The following KIF1B variants were observed in gnomAD, a reference collection of about 807,000 sequenced individuals.
The protein encoded by KIF1B is kinesin-like protein KIF1B.
In KIF1B, 76 loss-of-function variants were observed where a neutral mutation model predicts 241.9. The ratio of observed to expected loss-of-function variants is 0.31; its 90% confidence interval spans 0.26 to 0.38. The LOEUF (loss-of-function observed/expected upper bound fraction) is 0.38. Among genes scored for constraint, KIF1B ranks in the 10% least tolerant of loss-of-function variants. The pLI, the probability that KIF1B is intolerant of heterozygous loss-of-function variation, is 1.00. For missense variants in KIF1B, 1,622 were observed against 2,271.4 expected (o/e 0.71, Z 5.81); for synonymous variants, 750 against 796.7 (o/e 0.94, Z 0.99).
At chr1:10,358,037 T>A (rs79957143) in intron 38 of KIF1B, among the ~76,000 whole-genome samples, 3,491 of 150,756 alleles carry the variant, frequency 0.023, 50 homozygotes, top group East Asian at 0.048. Context: ...AAATATATAT[T>A]TTTTTAAATT....
chr1:10,307,844 G>C (rs375721546), intron 22 of KIF1B: 1 of 1,043,882 alleles, frequency 9.6e-7, no homozygotes. Context: ...ATTCCTTGGA[G>C]AGTTAAAGAC....
At chr1:10,340,031 C>G (rs972834268) in intron 32 of KIF1B, among the ~76,000 whole-genome samples, 172 bp downstream of exon 32, 2 of 152,096 alleles carry the variant, frequency 1.3e-5, no homozygotes, top group African/African-American at 4.8e-5. Context: ...GAGCAGCAAG[C>G]CTTCTTGTCT....
chr1:10,349,882 C>T lies in KIF1B; in HGVS notation c.3949+1149C>T, dbSNP rs576457854. On this transcript the variant is annotated intron_variant, in intron 37 of 48. Transcript: ENST00000676179. ...AAGTATTTAGGATTACAAAGGAAAC[C>T]GATAATATTGAAATACAGTTGTTAA... Among the ~76,000 whole-genome samples, 6 of 152,074 alleles carry T rather than the reference C, an allele frequency of 3.9e-5. No homozygotes were observed. The East Asian group carries it at 5.8e-4, about 15-fold the overall frequency.
intron 22 of KIF1B, among the ~76,000 whole-genome samples, chr1:10,298,283 A>C (rs1037994986): frequency 6.6e-6 from 1 of 152,222 alleles, no homozygotes; most frequent in African/African-American, 2.4e-5. Context: ...CATGTAAACT[A>C]CAGCCTTCTA....
rs555945555 is a variant in KIF1B, at chr1:10,230,014, TA to T, written c.-79-2232del. On this transcript the variant is annotated intron_variant, in intron 1 of 48. Coordinates refer to ENST00000676179, the MANE Select transcript of KIF1B (RefSeq NM_001365951.3). Reference sequence around the variant, plus strand: ...CATAACAAGACTTTGTCTCTACAAATAAAATAAAATATTAGTTGGGTGTGTT... The same window carrying T: ...CATAACAAGACTTTGTCTCTACAAATAAATAAAATATTAGTTGGGTGTGTT... 2.0e-4 allele frequency among the ~76,000 whole-genome samples: 30 copies of T among 150,844 alleles called. No individual in the cohort carries two copies. In the East Asian group the frequency reaches 5.7e-3, roughly 29 times the overall value.
At chr1:10,238,576 G>A (rs779371373) in intron 2 of KIF1B, among the ~76,000 whole-genome samples, 3 of 151,626 alleles carry the variant, frequency 2.0e-5, no homozygotes, top group South Asian at 2.1e-4. Flanking sequence ...ATGGTGGTGC[G>A]CGCCTGTGGT....
At chr1:10,336,856 A>G in intron 29 of KIF1B, 114 bp downstream of exon 29, 1 of 1,107,708 alleles carries the variant, frequency 9.0e-7, no homozygotes, top group Non-Finnish European at 1.4e-6. Flanking sequence ...GCCACAGAGT[A>G]GTTCAATAGA....
chr1:10,276,183 C>CA (rs1019429503), intron 11 of KIF1B, 138 bp from the exon 12 acceptor site: 4,506 of 617,042 alleles, frequency 7.3e-3, no homozygotes, highest in Non-Finnish European at 8.3e-3. Context: ...GACTCCCTCT[C>CA]AAAAAAAAAA....
intron 20 of KIF1B, 94 bp from the exon 21 acceptor site, chr1:10,296,803 C>A: frequency 7.3e-7 from 1 of 1,374,628 alleles, no homozygotes; most frequent in Non-Finnish European, 1.0e-6. Flanking sequence ...GCTCTGAAAG[C>A]TGTCTTTTCA....
chr1:10,295,769 G>A lies in KIF1B; in HGVS notation c.1777+3G>A. ...TGAGAGAAGCAACAGCGGGGAAGGT[G>A]AGCATTCCTGGCTGGAGCTTCAGCA... On this transcript the variant is annotated splice_donor_region_variant and intron_variant, in intron 19 of 48. Coordinates refer to ENST00000676179, the MANE Select transcript of KIF1B (RefSeq NM_001365951.3). 1 of 1,608,912 alleles carries A rather than the reference G, an allele frequency of 6.2e-7. No homozygotes were observed. Among genetic ancestry groups the A allele is most frequent in the East Asian group, 2.2e-5 (1 of 44,830 alleles).
intron 39 of KIF1B, 142 bp from the exon 40 acceptor site, chr1:10,361,550 T>G: frequency 1.1e-6 from 1 of 907,058 alleles, no homozygotes; most frequent in South Asian, 1.3e-5. Context: ...TATTATCCAT[T>G]GGGTGGCTGT....
intron 14 of KIF1B, among the ~76,000 whole-genome samples, chr1:10,281,179 T>C (rs962926336): frequency 7.9e-5 from 12 of 152,154 alleles, no homozygotes; most frequent in African/African-American, 2.9e-4. Context: ...TAGTATTTTT[T>C]TCCAGCTATG....
At chr1:10,310,881 C>G (rs1409970336) in intron 22 of KIF1B, among the ~76,000 whole-genome samples, 4 of 151,522 alleles carry the variant, frequency 2.6e-5, no homozygotes, top group Non-Finnish European at 5.9e-5. Context: ...AGTGGCCTCT[C>G]ATTGCTCTTA....
At chr1:10,369,713 A>C (rs933875139) in intron 44 of KIF1B, among the ~76,000 whole-genome samples, 2 of 152,114 alleles carry the variant, frequency 1.3e-5, no homozygotes, top group Non-Finnish European at 2.9e-5. Context: ...CGGGAAGATC[A>C]CCTGAGGTCG....
At chr1:10,225,289 T>A (rs1263371327) in intron 1 of KIF1B, among the ~76,000 whole-genome samples, 2 of 151,812 alleles carry the variant, frequency 1.3e-5, no homozygotes, top group Non-Finnish European at 2.9e-5. Context: ...TGCACTCCAG[T>A]CTGGGTGGAC....
intron 23 of KIF1B, among the ~76,000 whole-genome samples, chr1:10,321,262 C>T (rs1304707955): frequency 6.6e-6 from 1 of 151,762 alleles, no homozygotes. Context: ...TGCCACCACG[C>T]CTGGCTAATT....
At chr1:10,237,681 C>G (rs1209317533) in intron 2 of KIF1B, among the ~76,000 whole-genome samples, 1 of 152,100 alleles carries the variant, frequency 6.6e-6, no homozygotes, top group East Asian at 1.9e-4. Flanking sequence ...CACAGCGTAA[C>G]TGATACAAAT....
intron 5 of KIF1B, among the ~76,000 whole-genome samples, chr1:10,262,937 A>G (rs1216887918): frequency 1.3e-5 from 2 of 152,166 alleles, no homozygotes; most frequent in African/African-American, 4.8e-5. Flanking sequence ...TCTTTCATGA[A>G]GTCTATAGAA....
At chr1:10,302,245 T>G (rs1419400207) in intron 22 of KIF1B, among the ~76,000 whole-genome samples, 1 of 152,082 alleles carries the variant, frequency 6.6e-6, no homozygotes, top group Non-Finnish European at 1.5e-5. Flanking sequence ...ATTTTGGAGG[T>G]GAGGTCTTTA....
Sources: allele counts gnomAD v4.1 joint callset (sites outside exome capture counted in the v4.1 genomes callset), GRCh38; gene constraint gnomAD v4.1.1; transcripts MANE v1.5; gene names NCBI Gene and HGNC (gene_info 2026-07-23, HGNC 2026-07-21).